The following RABGAP1L variants were observed in gnomAD, a reference collection of about 807,000 sequenced individuals.
RABGAP1L encodes RAB GTPase activating protein 1 like.
A neutral mutation model predicts 137.7 loss-of-function variants in RABGAP1L; 63 were observed. The observed-to-expected ratio is 0.46, with a 90% confidence interval of 0.37 to 0.56. RABGAP1L has a LOEUF of 0.56. Among genes scored for constraint, RABGAP1L ranks in the 20% least tolerant of loss-of-function variants. The pLI is 0.00. For missense variants in RABGAP1L, 1,095 were observed against 1,244.0 expected, an observed-to-expected ratio of 0.88 and a Z score of 1.80; for synonymous variants, 431 against 433.7, an observed-to-expected ratio of 0.99 and a Z score of 0.08.
intron 4 of RABGAP1L, among the ~76,000 whole-genome samples, chr1:174,241,226 A>G (rs1338014970): frequency 2.0e-5 from 3 of 152,122 alleles, no homozygotes; most frequent in African/African-American, 2.4e-5. Context: ...AGGCTGAAGC[A>G]GGAGAATCGC....
Position 174,829,812 on chromosome 1 carries a change from A to T in RABGAP1L, c.2340+17852A>T, listed in dbSNP as rs144756102. ...AGTTATAATCACATTTTATATTTTG[A>T]TGTACAATTTTTTATGCATTTCATA... On this transcript the variant is annotated intron_variant, in intron 19 of 25. Transcript: ENST00000681986. Among the ~76,000 whole-genome samples, 27 of 148,536 alleles carry T rather than the reference A, an allele frequency of 1.8e-4. 2 individuals are homozygous for T. Among genetic ancestry groups the T allele is most frequent in the African/African-American group, 6.4e-4 (26 of 40,796 alleles).
chr1:174,525,667 A>C (rs2147864112), intron 13 of RABGAP1L, among the ~76,000 whole-genome samples: 1 of 152,268 alleles, frequency 6.6e-6, no homozygotes, highest in East Asian at 1.9e-4. Flanking sequence ...TGGAACTTCC[A>C]GTACTGTGTT....
At chr1:174,817,095 A>G (rs1250075355) in intron 19 of RABGAP1L, among the ~76,000 whole-genome samples, 1 of 152,128 alleles carries the variant, frequency 6.6e-6, no homozygotes, top group African/African-American at 2.4e-5. Flanking sequence ...TCCAAGTACC[A>G]TATTTACGAT....
At chr1:174,662,442 A>C (rs546838169) in intron 14 of RABGAP1L, among the ~76,000 whole-genome samples, 1 of 150,670 alleles carries the variant, frequency 6.6e-6, no homozygotes, top group East Asian at 1.9e-4. Flanking sequence ...TTTGAAACAG[A>C]GTCGCACTCT....
intron 10 of RABGAP1L, among the ~76,000 whole-genome samples, chr1:174,279,351 A>G (rs1401782580): frequency 2.0e-5 from 3 of 152,216 alleles, no homozygotes; most frequent in East Asian, 1.9e-4. Flanking sequence ...GAAGCAGATA[A>G]TAATGAAAAA....
chr1:174,969,420 C>T (rs1251426579), intron 21 of RABGAP1L, 33 bp downstream of exon 21: 1 of 1,498,224 alleles, frequency 6.7e-7, no homozygotes, highest in South Asian at 1.2e-5. Flanking sequence ...TGATGACTTC[C>T]TCAGGGCAAA....
In RABGAP1L at chr1:174,902,497, G is replaced by T. The variant is rs369803508; in HGVS notation, c.2341-54960G>T. ...CCCTTCCTAGGGATATATACAGATG[G>T]ATTTCCCACCTTTCTGGGAATCCTG... On this transcript the variant is annotated intron_variant, in intron 19 of 25. Coordinates refer to ENST00000681986, the MANE Select transcript of RABGAP1L (RefSeq NM_001366446.1). Among the ~76,000 whole-genome samples the T allele has an allele frequency of 3.3e-5, 5 of 152,268 alleles. No homozygotes were observed. In the East Asian group the frequency reaches 9.7e-4, roughly 29 times the overall value.
intron 13 of RABGAP1L, among the ~76,000 whole-genome samples, chr1:174,472,993 C>T (rs1163473112): frequency 6.6e-6 from 1 of 152,134 alleles, no homozygotes; most frequent in Non-Finnish European, 1.5e-5. Flanking sequence ...ATATGTCACT[C>T]TGTTTTTCTT....
intron 19 of RABGAP1L, among the ~76,000 whole-genome samples, chr1:174,898,897 G>T (rs1042226727): frequency 6.6e-6 from 1 of 152,166 alleles, no homozygotes; most frequent in Non-Finnish European, 1.5e-5. Context: ...TTACAGTCTA[G>T]CAGGCAAGAT....
intron 3 of RABGAP1L, among the ~76,000 whole-genome samples, chr1:174,229,661 T>TC (rs1157968604): frequency 2.6e-5 from 4 of 151,902 alleles, no homozygotes; most frequent in Non-Finnish European, 4.4e-5. Context: ...AAAGAGGGAG[T>TC]AGAGGAAAAA....
At chr1:174,524,710 C>A (rs183743329) in intron 13 of RABGAP1L, among the ~76,000 whole-genome samples, 1 of 142,640 alleles carries the variant, frequency 7.0e-6, no homozygotes, top group East Asian at 1.9e-4. Context: ...GCTGTAAAAT[C>A]TTTGCCTGGA....
intron 19 of RABGAP1L, among the ~76,000 whole-genome samples, chr1:174,868,501 T>A (rs1395550895): frequency 6.6e-6 from 1 of 152,226 alleles, no homozygotes; most frequent in Non-Finnish European, 1.5e-5. Context: ...AGTTAGCTGC[T>A]ACTCTAAGCC....
chr1:174,706,438 T>TA (rs995239654), intron 17 of RABGAP1L, among the ~76,000 whole-genome samples: 3 of 152,086 alleles, frequency 2.0e-5, no homozygotes, highest in African/African-American at 7.2e-5. Context: ...AAATCATTTT[T>TA]AAAAAAACAA....
At chr1:174,562,638 A>G (rs757054771) in intron 13 of RABGAP1L, among the ~76,000 whole-genome samples, 2 of 152,154 alleles carry the variant, frequency 1.3e-5, no homozygotes, top group African/African-American at 4.8e-5. Flanking sequence ...GGATAAAGAA[A>G]TGTGGCACGT....
chr1:174,287,386 T>C (rs778814460), intron 10 of RABGAP1L, among the ~76,000 whole-genome samples: 6 of 152,228 alleles, frequency 3.9e-5, no homozygotes, highest in Admixed American at 1.3e-4. Context: ...GGAATATCTT[T>C]TTCCATCCCT....
At chr1:174,964,810 C>T in intron 20 of RABGAP1L, 1 of 1,382,544 alleles carries the variant, frequency 7.2e-7, no homozygotes, top group Non-Finnish European at 9.3e-7. Context: ...ACAGAGAGAA[C>T]TTAGAGTTAT....
chr1:174,702,588 G>A (rs1572858292), intron 17 of RABGAP1L, among the ~76,000 whole-genome samples: 1 of 152,026 alleles, frequency 6.6e-6, no homozygotes, highest in Non-Finnish European at 1.5e-5. Context: ...AGAATTGGGT[G>A]TTTTTTAATA....
Position 174,221,003 on chromosome 1 carries a change from A to T in RABGAP1L, c.170A>T (p.Lys57Ile). 6.2e-7 allele frequency: 1 copy of T among 1,611,596 alleles called. No homozygotes were observed. Among genetic ancestry groups the T allele is most frequent in the East Asian group, 2.2e-5 (1 of 44,708 alleles). The change falls in exon 3 of 26, where the codon AAA becomes ATA. Residue 57 changes from lysine (K) to isoleucine (I), a missense_variant. Around this residue, in one of 4 missense-constraint regions of RABGAP1L, gnomAD observed 356 missense variants for 326.3 expected, o/e 1.09. Transcript: ENST00000681986. ...TCTAATGGTGATGAACAATTGGAAA[A>T]AGCCATGGAAGAGATTTTGAGAGAT... ...IVSNGDEQLE[K>I]AMEEILRDSE... is the part of the protein sequence containing the mutation.
Position 174,797,605 on chromosome 1 carries a change from G to A in RABGAP1L, c.2212-14227G>A, listed in dbSNP as rs559164457. On this transcript the variant is annotated intron_variant, in intron 18 of 25. Coordinates refer to ENST00000681986, the MANE Select transcript of RABGAP1L (RefSeq NM_001366446.1). The stretch of plus-strand genomic sequence containing the variant: ...GGGGTGTATGTGGTGGTGTGTGGGC[G>A]TGTAGTGTGGAGTGGGAGTGTGGGT... Among the ~76,000 whole-genome samples, 289 of 129,844 alleles carry A rather than the reference G, an allele frequency of 2.2e-3. 4 individuals carry two copies. Among genetic ancestry groups the A allele is most frequent in the African/African-American group, 6.8e-3 (229 of 33,878 alleles). 85.2% of individuals were successfully genotyped at this position (129,844 alleles called of 152,430 possible).
Sources: allele counts gnomAD v4.1 joint callset (sites outside exome capture counted in the v4.1 genomes callset), GRCh38; gene constraint gnomAD v4.1.1; regional missense constraint gnomAD v4.1.1; transcripts MANE v1.5; gene names NCBI Gene and HGNC (gene_info 2026-07-23, HGNC 2026-07-21).